Variants in CNTN5 observed in about 807,000 individuals in gnomAD.
CNTN5 encodes contactin 5.
A neutral mutation model predicts 129.1 loss-of-function variants in CNTN5; 77 were observed. The ratio of observed to expected loss-of-function variants is 0.60; its 90% CI spans 0.50 to 0.72. CNTN5 has a LOEUF of 0.72. CNTN5 is among the 30% of genes least tolerant of loss of function. The probability of loss-of-function intolerance (pLI) is 0.00; values close to 1 mark genes in which losing one functional copy is unlikely to be tolerated. For missense variants in CNTN5, 1,478 were observed against 1,328.8 expected (o/e 1.11, Z -1.75); for synonymous variants, 509 against 465.6 (o/e 1.09, Z -1.20).
At chr11:99,066,869 T>G (rs1322635069) in intron 1 of CNTN5, among the ~76,000 whole-genome samples, 3 of 152,138 alleles carry the variant, frequency 2.0e-5, no homozygotes, top group Non-Finnish European at 4.4e-5. Context: ...ATAGATCTCT[T>G]TTGATGGTGA....
intron 18 of CNTN5, among the ~76,000 whole-genome samples, chr11:100,284,114 T>C (rs971320364): frequency 1.3e-5 from 2 of 152,208 alleles, no homozygotes; most frequent in Non-Finnish European, 2.9e-5. Context: ...CTCTTCTGTG[T>C]TGTGGGGCCA....
At chr11:99,125,190 A>T (rs1421867144) in intron 1 of CNTN5, among the ~76,000 whole-genome samples, 1 of 152,062 alleles carries the variant, frequency 6.6e-6, no homozygotes, top group African/African-American at 2.4e-5. Context: ...AGTATTCTTG[A>T]TGAATTAAAA....
intron 3 of CNTN5, among the ~76,000 whole-genome samples, chr11:99,750,676 A>T (rs578259349): frequency 1.3e-5 from 2 of 152,328 alleles, no homozygotes; most frequent in South Asian, 4.1e-4. Context: ...CTCTTCCTTA[A>T]GAGACAGAAG....
intron 3 of CNTN5, among the ~76,000 whole-genome samples, chr11:99,660,110 G>A (rs970836501): frequency 3.6e-4 from 55 of 152,076 alleles, no homozygotes; most frequent in African/African-American, 1.3e-3. Context: ...ATATTATATA[G>A]CTATATATAA....
chr11:99,694,272 T>C lies in CNTN5; in HGVS notation c.56-125272T>C, dbSNP rs539524378. Among the ~76,000 whole-genome samples the C allele has an allele frequency of 5.9e-5, 9 of 152,270 alleles. No individual in the cohort carries two copies. The South Asian group carries it at 1.9e-3, about 32-fold the overall frequency. ...GCCAAATCTGGCTTATTGCCATTAT[T>C]TGGTGAGTAGGCATTGGAACTCAGC... On this transcript the variant is annotated intron_variant, in intron 3 of 24. Transcript: ENST00000524871.
chr11:99,843,887 C>T (rs1296743878), intron 4 of CNTN5, among the ~76,000 whole-genome samples: 2 of 152,148 alleles, frequency 1.3e-5, no homozygotes. Flanking sequence ...CACAAATTCA[C>T]AATTCACTAT....
chr11:100,074,184 A>T lies in CNTN5; in HGVS notation c.1470A>T (p.Thr490=), dbSNP rs1260827666. 1.2e-6 allele frequency: 2 copies of T among 1,612,852 alleles called. No homozygotes were observed. Among genetic ancestry groups the T allele is most frequent in the Non-Finnish European group, 1.7e-6 (2 of 1,179,344 alleles). The change falls in exon 13 of 25, where the codon ACA becomes ACT. Residue 490 remains threonine (T), a synonymous_variant. Coordinates refer to ENST00000524871, the MANE Select transcript of CNTN5 (RefSeq NM_014361.4). ...TTGCACTGAATCAACTGAAGAAAAC[A>T]ATAATTGTTACCAAAGACCAAGAAG... ...PTFALNQLKK[T]IIVTKDQEVV...
intron 21 of CNTN5, among the ~76,000 whole-genome samples, chr11:100,326,255 C>T (rs1258781436): frequency 6.6e-6 from 1 of 151,862 alleles, no homozygotes; most frequent in Admixed American, 6.6e-5. Context: ...ATAGATTTGG[C>T]TCATACATAA....
chr11:99,777,321 T>A (rs1406351582), intron 3 of CNTN5, among the ~76,000 whole-genome samples: 2 of 151,864 alleles, frequency 1.3e-5, no homozygotes, highest in African/African-American at 4.8e-5. Context: ...GTTGTGCATC[T>A]CATCAAAGAA....
At chr11:99,721,296 A>G (rs1943163202) in intron 3 of CNTN5, among the ~76,000 whole-genome samples, 1 of 151,626 alleles carries the variant, frequency 6.6e-6, no homozygotes, top group Admixed American at 6.6e-5. Flanking sequence ...AGGCACATAG[A>G]GCAACAGAAT....
intron 7 of CNTN5, among the ~76,000 whole-genome samples, chr11:99,930,167 G>C (rs1219105565): frequency 6.6e-6 from 1 of 152,068 alleles, no homozygotes; most frequent in East Asian, 1.9e-4. Flanking sequence ...TGCTCTCTTA[G>C]AGCAGTTTTC....
intron 1 of CNTN5, among the ~76,000 whole-genome samples, chr11:99,208,669 C>T (rs192247555): frequency 6.6e-6 from 1 of 152,194 alleles, no homozygotes; most frequent in Non-Finnish European, 1.5e-5. Flanking sequence ...TTCTAGGAAA[C>T]TCTCAGTTTT....
intron 6 of CNTN5, among the ~76,000 whole-genome samples, chr11:99,897,245 A>G (rs887336751): frequency 3.3e-5 from 5 of 152,230 alleles, no homozygotes; most frequent in African/African-American, 7.2e-5. Context: ...GAGAGGATAA[A>G]TAATTAAAAA....
At position 100,154,867 on chromosome 11, in the gene CNTN5, T is replaced by A. The variant is rs186535494; in HGVS notation, c.1581-36259T>A. 7.4e-3 allele frequency among the ~76,000 whole-genome samples: 1,107 copies of A among 150,414 alleles called. 2 individuals carry two copies. The highest frequency in any genetic ancestry group is 0.011 in the Non-Finnish European group (769 of 66,910). On this transcript the variant is annotated intron_variant, in intron 13 of 24. Coordinates refer to ENST00000524871, the MANE Select transcript of CNTN5 (RefSeq NM_014361.4). ...TATCCTTTGCCTACTTTTTGATGGGTTTTTTTTCTTGTAAATTTGTTTGAG... is the reference window on the plus strand; with the variant it reads ...TATCCTTTGCCTACTTTTTGATGGGATTTTTTTCTTGTAAATTTGTTTGAG...
intron 2 of CNTN5, among the ~76,000 whole-genome samples, chr11:99,373,476 G>A (rs1939957092): frequency 6.6e-6 from 1 of 152,020 alleles, no homozygotes; most frequent in Admixed American, 6.6e-5. Context: ...CACTTTGGGA[G>A]GCCGAGGTGG....
At chr11:100,106,970 C>T (rs918526926) in intron 13 of CNTN5, among the ~76,000 whole-genome samples, 2 of 152,102 alleles carry the variant, frequency 1.3e-5, no homozygotes, top group Non-Finnish European at 2.9e-5. Context: ...ACTTTTAAAG[C>T]AACTTAGTAT....
At chr11:99,681,547 T>C (rs1489099947) in intron 3 of CNTN5, among the ~76,000 whole-genome samples, 1 of 152,054 alleles carries the variant, frequency 6.6e-6, no homozygotes, top group African/African-American at 2.4e-5. Context: ...TATTTTTTAA[T>C]TAAGGTATTT....
At chr11:99,273,539 G>T (rs1392535451) in intron 1 of CNTN5, among the ~76,000 whole-genome samples, 2 of 151,662 alleles carry the variant, frequency 1.3e-5, no homozygotes, top group East Asian at 1.9e-4. Flanking sequence ...AATGAGAAAA[G>T]AAATTTTGCC....
intron 3 of CNTN5, among the ~76,000 whole-genome samples, chr11:99,603,064 G>C (rs12366027): frequency 0.079 from 3,311 of 41,786 alleles, 14 homozygotes; most frequent in Non-Finnish European, 0.1. Flanking sequence ...AAGGAATGCA[G>C]TTCCTCACCA....
Sources: allele counts gnomAD v4.1 joint callset (sites outside exome capture counted in the v4.1 genomes callset), GRCh38; gene constraint gnomAD v4.1.1; transcripts MANE v1.5; gene names NCBI Gene and HGNC (gene_info 2026-07-23, HGNC 2026-07-21).